CAPZB: variants seen among roughly 807,000 people sequenced by gnomAD.
CAPZB encodes capping actin protein of muscle Z-line subunit beta.
CAPZB carries 2 observed loss-of-function variants against 38.1 expected under a neutral mutation model. The ratio of observed to expected loss-of-function variants is 0.05; its 90% CI spans 0.02 to 0.17. The LOEUF (loss-of-function observed/expected upper bound fraction) is 0.17, where lower values mean the gene tolerates loss of function less well. CAPZB is among the 10% of genes least tolerant of loss of function. The pLI, the probability that CAPZB is intolerant of heterozygous loss-of-function variation, is 1.00. For synonymous variants in CAPZB, 107 were observed against 127.4 expected, an observed-to-expected ratio of 0.84 and a Z score of 1.08; for missense variants, 161 against 334.2, an observed-to-expected ratio of 0.48 and a Z score of 4.04.
At chr1:19,406,073 C>T (rs2094330343) in intron 2 of CAPZB, among the ~76,000 whole-genome samples, 1 of 152,172 alleles carries the variant, frequency 6.6e-6, no homozygotes, top group African/African-American at 2.4e-5. Flanking sequence ...TCTAATGAAC[C>T]TTAATTGTGA....
Position 19,357,330 on chromosome 1 carries a change from C to T in CAPZB, c.471+92G>A. On this transcript the variant is annotated intron_variant, in intron 5 of 8. Transcript: ENST00000264202. The surrounding 1 kb of genome is among the most constrained non-coding windows in gnomAD (Gnocchi z 4.3). Reference sequence around the variant, plus strand: ...TTAGGGGTTCAGAGATCACAGCATCCCCCTACTGCATCTGTTAGAGAGCAG... The same window carrying T: ...TTAGGGGTTCAGAGATCACAGCATCTCCCTACTGCATCTGTTAGAGAGCAG... 8.6e-7 allele frequency: 1 copy of T among 1,166,786 alleles called. No individual in the cohort carries two copies. Among genetic ancestry groups the T allele is most frequent in the Non-Finnish European group, 1.3e-6 (1 of 794,396 alleles). 72.3% of individuals were successfully genotyped at this position (1,166,786 alleles called of 1,614,324 possible). A position where few individuals can be genotyped will look rare whatever the true frequency, so the allele number is the denominator to read the frequency against.
At chr1:19,362,910 C>T (rs946400260) in intron 4 of CAPZB, among the ~76,000 whole-genome samples, 9 of 151,854 alleles carry the variant, frequency 5.9e-5, no homozygotes, top group Non-Finnish European at 7.4e-5. Context: ...CTCAGAAGCT[C>T]CAGGAAGATG....
chr1:19,388,431 C>T (rs995767383), intron 2 of CAPZB, among the ~76,000 whole-genome samples: 7 of 151,934 alleles, frequency 4.6e-5, no homozygotes, highest in Non-Finnish European at 7.4e-5. Flanking sequence ...TTTTACAACA[C>T]GGAGCCTCCC....
intron 2 of CAPZB, among the ~76,000 whole-genome samples, chr1:19,397,415 C>A (rs2094277468): frequency 6.6e-6 from 1 of 152,194 alleles, no homozygotes; most frequent in Admixed American, 6.5e-5. Flanking sequence ...GTAGGTTAAG[C>A]AACTTGGCTA....
intron 1 of CAPZB, among the ~76,000 whole-genome samples, chr1:19,434,542 G>C (rs2094451957): frequency 8.1e-6 from 1 of 123,210 alleles, no homozygotes; most frequent in Non-Finnish European, 1.7e-5. Flanking sequence ...CTGACCAACA[G>C]AGTAAGCCTT....
At chr1:19,483,121 G>A (rs752193837) in intron 1 of CAPZB, among the ~76,000 whole-genome samples, 29 of 152,136 alleles carry the variant, frequency 1.9e-4, no homozygotes, top group Admixed American at 1.3e-3. Context: ...TCTGGCCCAT[G>A]CTAAATATGC....
At chr1:19,408,634 C>T (rs2094343970) in intron 2 of CAPZB, among the ~76,000 whole-genome samples, 1 of 152,224 alleles carries the variant, frequency 6.6e-6, no homozygotes, top group Non-Finnish European at 1.5e-5. Context: ...GTGACATCAA[C>T]AGAAGGGTAT....
At chr1:19,425,200 C>G (rs1158940319) in intron 1 of CAPZB, among the ~76,000 whole-genome samples, 1 of 152,176 alleles carries the variant, frequency 6.6e-6, no homozygotes, top group Non-Finnish European at 1.5e-5. Flanking sequence ...TCTGACTGGT[C>G]CAGGCACCTC....
At chr1:19,376,119 A>G (rs2094143166) in intron 4 of CAPZB, among the ~76,000 whole-genome samples, 1 of 152,224 alleles carries the variant, frequency 6.6e-6, no homozygotes, top group African/African-American at 2.4e-5. Context: ...CAACATGAAC[A>G]CTTAAGTCTC....
chr1:19,429,308 G>C (rs976956840), intron 1 of CAPZB, among the ~76,000 whole-genome samples: 1 of 151,922 alleles, frequency 6.6e-6, no homozygotes, highest in African/African-American at 2.4e-5. Context: ...AACTCTGAGA[G>C]AAGGAATAAA....
intron 1 of CAPZB, among the ~76,000 whole-genome samples, chr1:19,468,811 T>A (rs1038184066): frequency 6.6e-6 from 1 of 152,112 alleles, no homozygotes; most frequent in Non-Finnish European, 1.5e-5. Flanking sequence ...CTGCCTGCCA[T>A]GTCTCTGGGC....
At chr1:19,396,733 G>C (rs1345876475) in intron 2 of CAPZB, among the ~76,000 whole-genome samples, 2 of 150,404 alleles carry the variant, frequency 1.3e-5, no homozygotes, top group Non-Finnish European at 2.9e-5. Context: ...TTGAGGCCAG[G>C]AGTTCGAGAC....
At chr1:19,411,625 G>C (rs1261229495) in intron 2 of CAPZB, among the ~76,000 whole-genome samples, 1 of 152,078 alleles carries the variant, frequency 6.6e-6, no homozygotes, top group Non-Finnish European at 1.5e-5. Flanking sequence ...TCATTCCACC[G>C]TAATTGTCTG....
chr1:19,448,895 T>A, intron 1 of CAPZB: 1 of 1,612,868 alleles, frequency 6.2e-7, no homozygotes, highest in Non-Finnish European at 8.5e-7. Context: ...GAACCCTGTA[T>A]CCTGGAACTG....
chr1:19,380,688 C>T (rs1473988546), intron 3 of CAPZB, among the ~76,000 whole-genome samples: 1 of 152,094 alleles, frequency 6.6e-6, no homozygotes, highest in Admixed American at 6.6e-5. Context: ...ACAATGTGAC[C>T]GGTATGACCA....
intron 1 of CAPZB, among the ~76,000 whole-genome samples, chr1:19,437,514 T>C (rs1385287717): frequency 1.3e-5 from 2 of 152,210 alleles, no homozygotes; most frequent in Admixed American, 6.5e-5. Flanking sequence ...TCTTCAGGTC[T>C]TGTCAATACA....
chr1:19,410,563 C>A (rs1179193018), intron 2 of CAPZB, among the ~76,000 whole-genome samples: 4 of 152,140 alleles, frequency 2.6e-5, no homozygotes, highest in African/African-American at 9.7e-5. Context: ...TTCCCCACAG[C>A]CCAGCCGGTT....
intron 8 of CAPZB, chr1:19,342,891 A>G (rs1265942938): frequency 1.8e-5 from 25 of 1,365,808 alleles, no homozygotes; most frequent in Non-Finnish European, 2.6e-5. Flanking sequence ...AGATGAGTGG[A>G]GTGGGAGGGA....
rs57828981 is a variant in CAPZB, at chr1:19,376,504, G to A, written c.329+2036C>T. ...TTGACAGCTGTGTGTGCACATTAAG[G>A]GGCACCAGTCTCAGGGCCTTAGACA... On this transcript the variant is annotated intron_variant, in intron 4 of 8. Transcript: ENST00000264202. 9.8e-3 allele frequency among the ~76,000 whole-genome samples: 1,499 copies of A among 152,304 alleles called. 63 individuals are homozygous for A. In the East Asian group the frequency reaches 0.14, roughly 14 times the overall value.
Sources: gnomAD v4.1 joint callset for allele counts (sites outside exome capture counted in the v4.1 genomes callset) on GRCh38, gnomAD v4.1.1 for gene constraint, Gnocchi (gnomAD v3.1) non-coding constraint, MANE v1.5 for transcripts, NCBI Gene and HGNC (gene_info 2026-07-23, HGNC 2026-07-21) for gene names.